Variants in AGPAT4 observed in about 807,000 individuals in gnomAD.
AGPAT4 encodes the protein 1-acylglycerol-3-phosphate O-acyltransferase 4.
AGPAT4 carries 15 observed loss-of-function variants against 48.0 expected under a neutral mutation model. The observed-to-expected ratio is 0.31, with a 90% CI of 0.21 to 0.48. AGPAT4 has a LOEUF of 0.48. Ranked by LOEUF, AGPAT4 falls within the 20% of genes least tolerant of loss-of-function variation. The probability of loss-of-function intolerance (pLI) is 0.99; values close to 1 mark genes in which losing one functional copy is unlikely to be tolerated. For synonymous variants in AGPAT4, 178 were observed against 198.7 expected (o/e 0.90, Z 0.88); for missense variants, 314 against 482.5 (o/e 0.65, Z 3.27).
Position 161,198,284 on chromosome 6 carries a change from C to A in AGPAT4, c.179-31867G>T, listed in dbSNP as rs1384382517. Among the ~76,000 whole-genome samples the A allele has an allele frequency of 2.0e-5, 3 of 152,202 alleles. No individual in the cohort carries two copies. The highest frequency in any genetic ancestry group is 4.4e-5 in the Non-Finnish European group (3 of 68,046). ...TCTCAAGTAATTTTTCATGCTTTGG[C>A]AAGTGGCTCTCAGTTGAGAGTGATT... On this transcript the variant is annotated intron_variant, in intron 2 of 8. Transcript: ENST00000320285. This position sits in a 1 kb window ranked among gnomAD's most constrained non-coding sequence, Gnocchi z 4.3.
rs549301119 is a variant in AGPAT4, at chr6:161,189,371, C to T, written c.179-22954G>A. ...ATGGGTGGGGTCCAGGGAAGGGGCA[C>T]GAACAGGATGGAGGAGCAGGGAAGA... On this transcript the variant is annotated intron_variant, in intron 2 of 8. Coordinates refer to ENST00000320285, the MANE Select transcript of AGPAT4 (RefSeq NM_020133.3). This position sits in a 1 kb window ranked among gnomAD's most constrained non-coding sequence, Gnocchi z 5.3. Among the ~76,000 whole-genome samples the T allele has an allele frequency of 1.3e-5, 2 of 152,088 alleles. No individual in the cohort carries two copies. Among genetic ancestry groups the T allele is most frequent in the South Asian group, 2.1e-4 (1 of 4,816 alleles).
Position 161,171,630 on chromosome 6 carries a change from C to T in AGPAT4, c.179-5213G>A, listed in dbSNP as rs1441480801. Among the ~76,000 whole-genome samples, 3 of 152,088 alleles carry T rather than the reference C, an allele frequency of 2.0e-5. No individual in the cohort carries two copies. The highest frequency in any genetic ancestry group is 7.2e-5 in the African/African-American group (3 of 41,408). On this transcript the variant is annotated intron_variant, in intron 2 of 8. Transcript: ENST00000320285. This position sits in a 1 kb window ranked among gnomAD's most constrained non-coding sequence, Gnocchi z 4.4. The stretch of plus-strand genomic sequence containing the variant: ...TCCAGCCGCACATGGTGGCTCATGC[C>T]TGTAATTCCAGCACTTTGGAAGGCC...
intron 3 of AGPAT4, chr6:161,160,824 C>T (rs567454204): frequency 6.0e-5 from 22 of 365,946 alleles, no homozygotes; most frequent in Non-Finnish European, 1.2e-4. Context: ...TGTGGGATGG[C>T]GTTAGCCCCG....
rs1582903870 is a variant in AGPAT4 at position 161,243,273 on chromosome 6, G to A, written c.-89-10971C>T. On this transcript the variant is annotated intron_variant, in intron 1 of 8. Coordinates refer to ENST00000320285, the MANE Select transcript of AGPAT4 (RefSeq NM_020133.3). The surrounding 1 kb of genome is among the most constrained non-coding windows in gnomAD (Gnocchi z 4.8). ...CTCCCCTTGGGGTTACCAAAGTAGG[G>A]AAATGGCCCAAGACCCGGCCCTGGG... 6.6e-6 allele frequency among the ~76,000 whole-genome samples: 1 copy of A among 152,096 alleles called. No homozygotes were observed. The highest frequency in any genetic ancestry group is 2.1e-4 in the South Asian group (1 of 4,822).
rs1782761511 is a variant in AGPAT4, at chr6:161,249,931, C to T, written c.-89-17629G>A. 6.6e-6 allele frequency among the ~76,000 whole-genome samples: 1 copy of T among 152,208 alleles called. No homozygotes were observed. Among genetic ancestry groups the T allele is most frequent in the South Asian group, 2.1e-4 (1 of 4,830 alleles). ...TTGCAGCTATTCACAATAGCAAAGA[C>T]ATGAAATCAACCTCAATGCCCATCA... On this transcript the variant is annotated intron_variant, in intron 1 of 8. Coordinates refer to ENST00000320285, the MANE Select transcript of AGPAT4 (RefSeq NM_020133.3). This position sits in a 1 kb window ranked among gnomAD's most constrained non-coding sequence, Gnocchi z 6.2.
Position 161,159,850 on chromosome 6 carries a change from G to A in AGPAT4, c.349-5540C>T, listed in dbSNP as rs997007529. ...AGTAGAGACGGGGTTTCACCATGTT[G>A]GCTAGTCTGGTCTCGAACTCCTGAC... On this transcript the variant is annotated intron_variant, in intron 3 of 8. Transcript: ENST00000320285. The surrounding 1 kb of genome is among the most constrained non-coding windows in gnomAD (Gnocchi z 4.1). Among the ~76,000 whole-genome samples, 1 of 151,744 alleles carries A rather than the reference G, an allele frequency of 6.6e-6. No homozygotes were observed. Among genetic ancestry groups the A allele is most frequent in the African/African-American group, 2.4e-5 (1 of 41,282 alleles).
intron 2 of AGPAT4, among the ~76,000 whole-genome samples, chr6:161,205,583 A>T (rs1486909226): frequency 6.6e-6 from 1 of 152,162 alleles, no homozygotes; most frequent in African/African-American, 2.4e-5. Flanking sequence ...TTACCATGGA[A>T]CATCAACTAG....
rs1780852028 is a variant in AGPAT4 at position 161,189,053 on chromosome 6, A to G, written c.179-22636T>C. Among the ~76,000 whole-genome samples the G allele has an allele frequency of 6.6e-6, 1 of 152,210 alleles. No individual in the cohort carries two copies. On this transcript the variant is annotated intron_variant, in intron 2 of 8. Coordinates refer to ENST00000320285, the MANE Select transcript of AGPAT4 (RefSeq NM_020133.3). This position sits in a 1 kb window ranked among gnomAD's most constrained non-coding sequence, Gnocchi z 5.3. ...CTTAGAATCTTAGTAATTTTGAAGT[A>G]ATAAATCTGTGCCTATTTTATATCC...
At position 161,236,184 on chromosome 6, in the gene AGPAT4, T is replaced by C. The variant is rs1332756827; in HGVS notation, c.-89-3882A>G. 1.3e-5 allele frequency among the ~76,000 whole-genome samples: 2 copies of C among 152,104 alleles called. No homozygotes were observed. The highest frequency in any genetic ancestry group is 2.9e-5 in the Non-Finnish European group (2 of 68,016). On this transcript the variant is annotated intron_variant, in intron 1 of 8. Transcript: ENST00000320285. This position sits in a 1 kb window ranked among gnomAD's most constrained non-coding sequence, Gnocchi z 5.0. ...AGGCAAGAATATGACAAAGAACTTATGCTGTTTCTGAGCATATCAGAGCGC... is the reference window on the plus strand; with the variant it reads ...AGGCAAGAATATGACAAAGAACTTACGCTGTTTCTGAGCATATCAGAGCGC...
At chr6:161,271,012 C>T (rs1439065770) in intron 1 of AGPAT4, among the ~76,000 whole-genome samples, 1 of 152,182 alleles carries the variant, frequency 6.6e-6, no homozygotes, top group South Asian at 2.1e-4. Flanking sequence ...TCTGGCCTTT[C>T]GTTGTTAAGC....
chr6:161,131,144 G>A lies in AGPAT4; in HGVS notation c.*5396C>T. 7.0e-6 allele frequency: 2 copies of A among 285,532 alleles called. No individual in the cohort carries two copies. Among genetic ancestry groups the A allele is most frequent in the Admixed American group, 8.2e-5 (2 of 24,436 alleles). The allele number at this position is 285,532 out of a possible 1,614,324, so 17.7% of individuals were successfully genotyped here. ...TCATTCCAATATGTAAAACAAGACT[G>A]CCTTGTTTTAAAAAAACAAATTAAA... On this transcript the variant is annotated 3_prime_UTR_variant, in exon 9 of 9. Transcript: ENST00000320285.
Position 161,131,124 on chromosome 6 carries a change from C to A in AGPAT4, c.*5416G>T. 6.7e-6 allele frequency: 2 copies of A among 297,396 alleles called. No individual in the cohort carries two copies. Among genetic ancestry groups the A allele is most frequent in the Non-Finnish European group, 1.4e-5 (2 of 146,540 alleles). The allele number at this position is 297,396 out of a possible 1,614,324, so 18.4% of individuals were successfully genotyped here. A position where few individuals can be genotyped will look rare whatever the true frequency, so the allele number is the denominator to read the frequency against. ...AAATGTCAAAAAATATCTAGTCATT[C>A]CAATATGTAAAACAAGACTGCCTTG... On this transcript the variant is annotated 3_prime_UTR_variant, in exon 9 of 9. Coordinates refer to ENST00000320285, the MANE Select transcript of AGPAT4 (RefSeq NM_020133.3).
rs758156357 is a variant in AGPAT4, at chr6:161,139,483, G to C, written c.981C>G (p.Val327=). Residue 327 remains valine, a synonymous_variant, in exon 8 of 9, where the codon GTC becomes GTG. Transcript: ENST00000320285. The surrounding 1 kb of genome is among the most constrained non-coding windows in gnomAD (Gnocchi z 9.1). The part of the protein sequence containing the change: ...LVLYPFFQFL[V]SMIRSGSSLT... ...GGGAAGACCCGCTCCTGATCATGCT[G>C]ACCAGGAACTGGAAGAAAGGGTAGA... is the stretch of plus-strand genomic sequence containing the variant. 1.2e-6 allele frequency: 2 copies of C among 1,614,062 alleles called. No individual in the cohort carries two copies. The highest frequency in any genetic ancestry group is 1.7e-6 in the Non-Finnish European group (2 of 1,180,014).
At position 161,193,025 on chromosome 6, in the gene AGPAT4, C is replaced by T. The variant is rs118065949; in HGVS notation, c.179-26608G>A. Among the ~76,000 whole-genome samples, 162 of 152,200 alleles carry T rather than the reference C, an allele frequency of 1.1e-3. 1 individual carries two copies. The highest frequency in any genetic ancestry group is 1.7e-3 in the Non-Finnish European group (113 of 68,000). Reference sequence around the variant, plus strand: ...GTGACTGGATTTTTCTTTTATTTTCCGTGGGTTTCACTGGGCTTCTTGAAT... The same window carrying T: ...GTGACTGGATTTTTCTTTTATTTTCTGTGGGTTTCACTGGGCTTCTTGAAT... On this transcript the variant is annotated intron_variant, in intron 2 of 8. Transcript: ENST00000320285.
At chr6:161,153,262 A>C in intron 5 of AGPAT4, 84 bp downstream of exon 5, 1 of 1,503,528 alleles carries the variant, frequency 6.7e-7, no homozygotes, top group Non-Finnish European at 9.0e-7. Context: ...AAGTGCTGGC[A>C]GGAAGCAAGC....
In AGPAT4 at chr6:161,146,262, A is replaced by G. The variant is rs1779421436; in HGVS notation, c.843+262T>C. Among the ~76,000 whole-genome samples, 1 of 151,534 alleles carries G rather than the reference A, an allele frequency of 6.6e-6. No homozygotes were observed. Among genetic ancestry groups the G allele is most frequent in the African/African-American group, 2.4e-5 (1 of 40,824 alleles). ...CTGCCTTAGGACCAGAGGCAGGAAA[A>G]TACGAGCAGGGGCGATTGGGGCCAT... On this transcript the variant is annotated intron_variant, in intron 7 of 8. Coordinates refer to ENST00000320285, the MANE Select transcript of AGPAT4 (RefSeq NM_020133.3). This position sits in a 1 kb window ranked among gnomAD's most constrained non-coding sequence, Gnocchi z 7.1.
At chr6:161,170,988 A>G (rs1780253430) in intron 2 of AGPAT4, among the ~76,000 whole-genome samples, 1 of 152,130 alleles carries the variant, frequency 6.6e-6, no homozygotes, top group African/African-American at 2.4e-5. Context: ...GGGCAGTGTC[A>G]CCTCCTTTCA....
chr6:161,259,824 A>G lies in AGPAT4; in HGVS notation c.-90+14114T>C, dbSNP rs1383285113. ...ATGAAAGTCTTCCGGACAGGGGTCC[A>G]CTTTTTACAATGTCAGCACCTAGCT... On this transcript the variant is annotated intron_variant, in intron 1 of 8. Coordinates refer to ENST00000320285, the MANE Select transcript of AGPAT4 (RefSeq NM_020133.3). This position sits in a 1 kb window ranked among gnomAD's most constrained non-coding sequence, Gnocchi z 4.9. Among the ~76,000 whole-genome samples the G allele has an allele frequency of 1.3e-5, 2 of 152,154 alleles. No individual in the cohort carries two copies. The highest frequency in any genetic ancestry group is 2.4e-5 in the African/African-American group (1 of 41,448).
Position 161,223,583 on chromosome 6 carries a change from T to C in AGPAT4, c.178+8453A>G, listed in dbSNP as rs1781888256. ...ATACATAATCAACACGTGACAAATG[T>C]AGCGAGTGTAATGACTGCAGCTGAA... On this transcript the variant is annotated intron_variant, in intron 2 of 8. Transcript: ENST00000320285. This position sits in a 1 kb window ranked among gnomAD's most constrained non-coding sequence, Gnocchi z 6.3. Among the ~76,000 whole-genome samples the C allele has an allele frequency of 6.6e-6, 1 of 152,236 alleles. No homozygotes were observed. Among genetic ancestry groups the C allele is most frequent in the Non-Finnish European group, 1.5e-5 (1 of 68,046 alleles).
Sources: allele counts gnomAD v4.1 joint callset (sites outside exome capture counted in the v4.1 genomes callset), GRCh38; gene constraint gnomAD v4.1.1; non-coding constraint Gnocchi (gnomAD v3.1); transcripts MANE v1.5; gene names NCBI Gene and HGNC (gene_info 2026-07-23, HGNC 2026-07-21).